MSRA: variants seen among roughly 807,000 people sequenced by gnomAD.
MSRA encodes methionine sulfoxide reductase A.
Under a neutral mutation model 31.3 loss-of-function variants are expected in MSRA, and 54 were observed. The ratio of observed to expected loss-of-function variants is 1.73; its 90% CI spans 1.39 to 2.17. The LOEUF (loss-of-function observed/expected upper bound fraction) is 2.17. Among genes scored for constraint, MSRA ranks in the 30% most tolerant of loss-of-function variants. MSRA has a pLI of 0.00. For synonymous variants in MSRA, 169 were observed against 116.5 expected (o/e 1.45, Z -2.90); for missense variants, 507 against 300.9 (o/e 1.69, Z -5.07).
chr8:10,080,011 A>C (rs1798208152), intron 1 of MSRA, among the ~76,000 whole-genome samples: 1 of 152,184 alleles, frequency 6.6e-6, no homozygotes. Flanking sequence ...TCTTCCCGTC[A>C]AAATTAATCT....
At chr8:10,175,522 G>C (rs1805972577) in intron 1 of MSRA, among the ~76,000 whole-genome samples, 1 of 152,140 alleles carries the variant, frequency 6.6e-6, no homozygotes, top group Non-Finnish European at 1.5e-5. Context: ...GATCTTAAAA[G>C]TAATTATGCT....
chr8:10,200,496 G>A (rs1037254658), intron 1 of MSRA, among the ~76,000 whole-genome samples: 10 of 152,136 alleles, frequency 6.6e-5, no homozygotes, highest in Non-Finnish European at 1.5e-5. Flanking sequence ...CTTCCTGGGG[G>A]ACTCCCTGCC....
At chr8:10,300,303 T>A (rs1278124938) in intron 3 of MSRA, among the ~76,000 whole-genome samples, 1 of 152,156 alleles carries the variant, frequency 6.6e-6, no homozygotes, top group Non-Finnish European at 1.5e-5. Context: ...TTGCCAAGGC[T>A]GGAGTGCAGT....
At chr8:10,327,812 A>T (rs896329766) in intron 5 of MSRA, among the ~76,000 whole-genome samples, 1 of 152,106 alleles carries the variant, frequency 6.6e-6, no homozygotes, top group African/African-American at 2.4e-5. Context: ...GGGCGCCTGT[A>T]GTCCCAGCTA....
At position 10,428,221 on chromosome 8, in the gene MSRA, A is replaced by C. The variant is rs750027175; in HGVS notation, c.617A>C (p.Asp206Ala). ...REGQTFYYAE[D>A]YHQQYLSKNP... is the part of the protein sequence containing the mutation. ...GGACAGACTTTCTACTATGCGGAAG[A>C]CTACCACCAGCAGTACCTGAGCAAG... Residue 206 changes from aspartate (D) to alanine (A), a missense_variant, in exon 6 of 6, where the codon GAC becomes GCC. Asp to Ala is a moderately radical substitution (Grantham distance 126). Coordinates refer to ENST00000317173, the MANE Select transcript of MSRA (RefSeq NM_012331.5). 6.2e-7 allele frequency: 1 copy of C among 1,614,170 alleles called. No homozygotes were observed. The highest frequency in any genetic ancestry group is 8.5e-7 in the Non-Finnish European group (1 of 1,180,024).
chr8:10,078,422 C>T (rs986783465), intron 1 of MSRA, among the ~76,000 whole-genome samples: 21 of 152,222 alleles, frequency 1.4e-4, no homozygotes, highest in Admixed American at 2.6e-4. Context: ...ACTGGGGACC[C>T]TTGGCGCAGC....
chr8:10,336,155 G>A lies in MSRA; in HGVS notation c.543+16166G>A, dbSNP rs150339732. ...ACTAGTGTTTAATTTGTCAAGATCAGGGGCTAATGGTTGAGGATTTTTTGT... is the reference window on the plus strand; with the variant it reads ...ACTAGTGTTTAATTTGTCAAGATCAAGGGCTAATGGTTGAGGATTTTTTGT... On this transcript the variant is annotated intron_variant, in intron 5 of 5. Coordinates refer to ENST00000317173, the MANE Select transcript of MSRA (RefSeq NM_012331.5). Among the ~76,000 whole-genome samples the A allele has an allele frequency of 4.9e-3, 740 of 152,258 alleles. 1 individual carries two copies. The highest frequency in any genetic ancestry group is 0.017 in the African/African-American group (686 of 41,558).
At chr8:10,338,137 C>G (rs1477228782) in intron 5 of MSRA, among the ~76,000 whole-genome samples, 4 of 152,154 alleles carry the variant, frequency 2.6e-5, no homozygotes, top group African/African-American at 9.7e-5. Flanking sequence ...TGTATGCACA[C>G]TTGTGTGAAA....
At chr8:10,191,903 T>C (rs1355848069) in intron 1 of MSRA, among the ~76,000 whole-genome samples, 1 of 152,244 alleles carries the variant, frequency 6.6e-6, no homozygotes, top group Admixed American at 6.5e-5. Flanking sequence ...ACTCATTTAC[T>C]ATCCCATAGT....
chr8:10,110,758 G>C (rs1484638), intron 1 of MSRA, among the ~76,000 whole-genome samples: 6 of 152,122 alleles, frequency 3.9e-5, no homozygotes, highest in East Asian at 1.9e-4. Context: ...GTGGTGCTGC[G>C]ATCTTTCTAT....
At chr8:10,207,993 A>G in intron 2 of MSRA, 92 bp downstream of exon 2, 1 of 949,370 alleles carries the variant, frequency 1.1e-6, no homozygotes, top group Non-Finnish European at 1.6e-6. Context: ...GGGCTTCAAA[A>G]TCTGGGCTCT....
At chr8:10,110,871 C>T (rs1431592765) in intron 1 of MSRA, among the ~76,000 whole-genome samples, 1 of 152,190 alleles carries the variant, frequency 6.6e-6, no homozygotes, top group African/African-American at 2.4e-5. Flanking sequence ...AAAAATGACC[C>T]TTCTGTATTC....
At chr8:10,402,583 G>A (rs866733239) in intron 5 of MSRA, among the ~76,000 whole-genome samples, 14 of 152,304 alleles carry the variant, frequency 9.2e-5, no homozygotes, top group East Asian at 5.8e-4. Flanking sequence ...TCTATAGCAC[G>A]CATTTCCAAC....
intron 1 of MSRA, among the ~76,000 whole-genome samples, chr8:10,077,969 A>G (rs1417275232): frequency 6.6e-6 from 1 of 152,224 alleles, no homozygotes; most frequent in Non-Finnish European, 1.5e-5. Context: ...ATATTCACTA[A>G]TATTTTCAGT....
chr8:10,134,219 C>G (rs1377550755), intron 1 of MSRA, among the ~76,000 whole-genome samples: 3 of 152,214 alleles, frequency 2.0e-5, no homozygotes, highest in Non-Finnish European at 4.4e-5. Context: ...ACTCTCTGCA[C>G]CTTTCTATTG....
chr8:10,196,683 G>C (rs1808018931), intron 1 of MSRA, among the ~76,000 whole-genome samples: 1 of 151,752 alleles, frequency 6.6e-6, no homozygotes, highest in African/African-American at 2.4e-5. Context: ...CCGAGTAGCT[G>C]GAATTACAGG....
chr8:10,074,918 C>T (rs568186406), intron 1 of MSRA, among the ~76,000 whole-genome samples: 190 of 152,166 alleles, frequency 1.2e-3, no homozygotes, highest in African/African-American at 4.4e-3. Flanking sequence ...CTCGGCCTCC[C>T]GAAGTGCTGG....
intron 3 of MSRA, chr8:10,250,507 T>A (rs1219766207): frequency 4.3e-6 from 3 of 700,716 alleles, no homozygotes; most frequent in Non-Finnish European, 7.8e-6. Context: ...TCCAGAAGCA[T>A]GAAAGGAGCT....
intron 1 of MSRA, among the ~76,000 whole-genome samples, chr8:10,141,477 C>G (rs1014584383): frequency 6.6e-6 from 1 of 152,208 alleles, no homozygotes; most frequent in African/African-American, 2.4e-5. Flanking sequence ...ATCTCCCCTC[C>G]TGCTTCATCT....
Sources: allele counts gnomAD v4.1 joint callset (sites outside exome capture counted in the v4.1 genomes callset), GRCh38; gene constraint gnomAD v4.1.1; transcripts MANE v1.5; gene names NCBI Gene and HGNC (gene_info 2026-07-23, HGNC 2026-07-21).